CAP2: variants seen among roughly 807,000 people sequenced by gnomAD.
The protein encoded by CAP2 is cyclase associated actin cytoskeleton regulatory protein 2, also known as adenylyl cyclase-associated protein 2.
A neutral mutation model predicts 57.7 loss-of-function variants in CAP2; 24 were observed. The observed-to-expected ratio is 0.42, with a 90% confidence interval of 0.30 to 0.58. CAP2 has a LOEUF of 0.58. CAP2 is among the 20% of genes least tolerant of loss of function. CAP2 has a pLI of 0.22. For synonymous variants in CAP2, 194 were observed against 207.2 expected (o/e 0.94, Z 0.55); for missense variants, 501 against 590.3 (o/e 0.85, Z 1.57).
At chr6:17,438,341 G>C (rs1180160625) in intron 3 of CAP2, among the ~76,000 whole-genome samples, 1 of 96,688 alleles carries the variant, frequency 1.0e-5, no homozygotes, top group Non-Finnish European at 1.9e-5. Context: ...ACTCCAACCT[G>C]GGCGAAAGAA....
chr6:17,511,935 C>A (rs1268616874), intron 6 of CAP2, among the ~76,000 whole-genome samples: 1 of 152,006 alleles, frequency 6.6e-6, no homozygotes, highest in Non-Finnish European at 1.5e-5. Flanking sequence ...ATTTGTTACC[C>A]CTTAAAGACT....
chr6:17,477,158 G>A (rs1561797337), intron 4 of CAP2, among the ~76,000 whole-genome samples: 2 of 152,302 alleles, frequency 1.3e-5, no homozygotes, highest in South Asian at 2.1e-4. Context: ...ACAGGCGTGA[G>A]CCACCGTGCC....
intron 7 of CAP2, among the ~76,000 whole-genome samples, chr6:17,532,512 G>A (rs1261851415): frequency 6.6e-6 from 1 of 150,900 alleles, no homozygotes; most frequent in African/African-American, 2.4e-5. Flanking sequence ...TTGGGAGGCC[G>A]AGGTGGGTGA....
chr6:17,509,855 T>C (rs555664684), intron 6 of CAP2, among the ~76,000 whole-genome samples: 1 of 152,236 alleles, frequency 6.6e-6, no homozygotes, highest in African/African-American at 2.4e-5. Context: ...AAACATGGTA[T>C]ATCCACACAA....
intron 4 of CAP2, among the ~76,000 whole-genome samples, chr6:17,469,791 G>A (rs923430870): frequency 8.5e-5 from 13 of 152,082 alleles, no homozygotes; most frequent in African/African-American, 3.1e-4. Flanking sequence ...CTTCTTGGCC[G>A]TTCCTCCATC....
At chr6:17,490,127 A>T in intron 4 of CAP2, among the ~76,000 whole-genome samples, 1 of 152,190 alleles carries the variant, frequency 6.6e-6, no homozygotes. Context: ...AGTAATTTTA[A>T]TATATATCCT....
intron 1 of CAP2, among the ~76,000 whole-genome samples, chr6:17,403,065 T>A (rs1758856242): frequency 6.6e-6 from 1 of 152,210 alleles, no homozygotes; most frequent in Admixed American, 6.5e-5. Context: ...ATTAAATTGA[T>A]GCTCAACATT....
intron 4 of CAP2, among the ~76,000 whole-genome samples, chr6:17,474,185 C>CTTTTTTTTTTTT (rs544909381): frequency 7.1e-4 from 66 of 93,214 alleles, no homozygotes; most frequent in South Asian, 1.6e-3. Context: ...AAAAAACAGT[C>CTTTTTTTTTTTT]TTTTTTTTTT....
intron 2 of CAP2, 53 bp downstream of exon 2, chr6:17,421,729 T>C: frequency 6.2e-7 from 1 of 1,604,504 alleles, no homozygotes; most frequent in Non-Finnish European, 8.5e-7. Flanking sequence ...TACTTCATTT[T>C]GTTTCCATAA....
chr6:17,527,747 A>G (rs1762544066), intron 7 of CAP2, among the ~76,000 whole-genome samples: 1 of 151,956 alleles, frequency 6.6e-6, no homozygotes, highest in Admixed American at 6.6e-5. Context: ...AGGTTGTGCC[A>G]CCATGCCTGG....
At position 17,496,028 on chromosome 6, in the gene CAP2, G is replaced by GGCGGT. The variant is rs71866539; in HGVS notation, c.301-11140_301-11139insCGGTG. Among the ~76,000 whole-genome samples, 13 of 19,424 alleles carry GGCGGT rather than the reference G, an allele frequency of 6.7e-4. 1 individual carries two copies. The highest frequency in any genetic ancestry group is 1.2e-3 in the Non-Finnish European group (7 of 5,866). The allele number at this position is 19,424 out of a possible 152,430, so 12.7% of individuals were successfully genotyped here. A position where few individuals can be genotyped will look rare whatever the true frequency, so the allele number is the denominator to read the frequency against. On this transcript the variant is annotated intron_variant, in intron 4 of 12. Coordinates refer to ENST00000229922, the MANE Select transcript of CAP2 (RefSeq NM_006366.3). The stretch of plus-strand genomic sequence containing the variant: ...AACTGCTGTGCATGCGTGTGTGGGT[G>GGCGGT]GGGGGGGGGGGTAAGTCAGGGAAAA...
At chr6:17,460,730 C>T (rs950285667) in intron 3 of CAP2, among the ~76,000 whole-genome samples, 14 of 152,170 alleles carry the variant, frequency 9.2e-5, no homozygotes, top group African/African-American at 3.4e-4. Context: ...TTTTCATTTA[C>T]ATCTCTACGA....
intron 7 of CAP2, among the ~76,000 whole-genome samples, chr6:17,529,633 T>A (rs1762590389): frequency 1.0e-5 from 1 of 98,952 alleles, no homozygotes. Context: ...AGAGCAAGAC[T>A]CCGTCTCAAA....
chr6:17,481,696 A>G (rs1416388815), intron 4 of CAP2, among the ~76,000 whole-genome samples: 1 of 152,192 alleles, frequency 6.6e-6, no homozygotes, highest in Non-Finnish European at 1.5e-5. Flanking sequence ...CACACTTTTC[A>G]TATTTTTAAT....
intron 3 of CAP2, among the ~76,000 whole-genome samples, chr6:17,438,170 A>C (rs972369523): frequency 2.7e-5 from 4 of 148,010 alleles, no homozygotes; most frequent in Non-Finnish European, 5.9e-5. Flanking sequence ...GTTCAAGACC[A>C]GCTTGGCCAA....
intron 5 of CAP2, 142 bp downstream of exon 5, chr6:17,507,454 G>A (rs1762018365): frequency 1.1e-6 from 1 of 940,406 alleles, no homozygotes; most frequent in Admixed American, 2.4e-5. Context: ...CTCCTACCCT[G>A]TTTAAAGTTC....
At position 17,513,470 on chromosome 6, in the gene CAP2, T is replaced by C. The variant is rs565360825; in HGVS notation, c.531-379T>C. Among the ~76,000 whole-genome samples the C allele has an allele frequency of 2.0e-5, 3 of 152,180 alleles. No individual in the cohort carries two copies. The East Asian group carries it at 5.8e-4, about 29-fold the overall frequency. On this transcript the variant is annotated intron_variant, in intron 6 of 12. Transcript: ENST00000229922. This position sits in a 1 kb window ranked among gnomAD's most constrained non-coding sequence, Gnocchi z 4.3. ...CATTCTCATTCCTGGGAGTATATTG[T>C]CTCTCATTTTGCATCAGAAGCAGTG...
chr6:17,466,194 T>C (rs1370704648), intron 4 of CAP2, among the ~76,000 whole-genome samples: 1 of 152,242 alleles, frequency 6.6e-6, no homozygotes, highest in Non-Finnish European at 1.5e-5. Flanking sequence ...ACAATTATTA[T>C]AACCATTTGT....
At chr6:17,550,159 AG>A (rs1763136849) in intron 11 of CAP2, among the ~76,000 whole-genome samples, 1 of 152,062 alleles carries the variant, frequency 6.6e-6, no homozygotes, top group Admixed American at 6.6e-5. Context: ...ACCTGAGGTC[AG>A]GAGTTCGAGA....
Sources: allele counts gnomAD v4.1 joint callset (sites outside exome capture counted in the v4.1 genomes callset), GRCh38; gene constraint gnomAD v4.1.1; non-coding constraint Gnocchi (gnomAD v3.1); transcripts MANE v1.5; gene names NCBI Gene and HGNC (gene_info 2026-07-23, HGNC 2026-07-21).